DIO2: variants seen among roughly 807,000 people sequenced by gnomAD.
DIO2 encodes iodothyronine deiodinase 2.
A neutral mutation model predicts 21.4 loss-of-function variants in DIO2; 19 were observed. The ratio of observed to expected loss-of-function variants is 0.89; its 90% CI spans 0.62 to 1.30. The LOEUF is 1.30. DIO2 is among the 50% of genes most tolerant of loss of function. The probability of loss-of-function intolerance (pLI) is 0.00; values close to 1 mark genes in which losing one functional copy is unlikely to be tolerated. For synonymous variants in DIO2, 122 were observed against 132.9 expected (o/e 0.92, Z 0.57); for missense variants, 302 against 338.1 (o/e 0.89, Z 0.84).
intron 2 of DIO2, among the ~76,000 whole-genome samples, chr14:80,226,021 C>A (rs1318402698): frequency 6.6e-6 from 1 of 152,118 alleles, no homozygotes; most frequent in Non-Finnish European, 1.5e-5. Flanking sequence ...GTCACGGGAA[C>A]AGGAAGCAAA....
Position 80,205,000 on chromosome 14 carries a change from C to G in DIO2, c.223-1712G>C, listed in dbSNP as rs78666376. On this transcript the variant is annotated intron_variant, in intron 1 of 1. Transcript: ENST00000438257. ...TACATTTGTTTTTTAGTCACCACCA[C>G]AGAGAAAATTATTTTACTTATACTA... is the stretch of plus-strand genomic sequence containing the variant. Among the ~76,000 whole-genome samples the G allele has an allele frequency of 8.6e-3, 1,312 of 152,226 alleles. 17 individuals carry two copies. Among genetic ancestry groups the G allele is most frequent in the African/African-American group, 0.029 (1,192 of 41,550 alleles).
At chr14:80,227,905 C>T (rs570243526) in intron 2 of DIO2, among the ~76,000 whole-genome samples, 1 of 152,136 alleles carries the variant, frequency 6.6e-6, no homozygotes, top group East Asian at 1.9e-4. Flanking sequence ...GTAGGAGGGG[C>T]CAAATGCAGC....
At chr14:80,227,220 G>A (rs556103930) in intron 2 of DIO2, among the ~76,000 whole-genome samples, 10 of 152,248 alleles carry the variant, frequency 6.6e-5, no homozygotes, top group African/African-American at 1.9e-4. Context: ...CTCTCCCTCC[G>A]TTAACTGATC....
chr14:80,211,477 T>C lies in DIO2; in HGVS notation c.-5A>G. 1 of 1,571,574 alleles carries C rather than the reference T, an allele frequency of 6.4e-7. No individual in the cohort carries two copies. Among genetic ancestry groups the C allele is most frequent in the Non-Finnish European group, 8.7e-7 (1 of 1,155,684 alleles). Reference sequence around the variant, plus strand: ...GTCTACGCTGAGGATGCCCATCTTCTCTGCCTCCTGAGTCAGTTCCCTTGT... The same window carrying C: ...GTCTACGCTGAGGATGCCCATCTTCCCTGCCTCCTGAGTCAGTTCCCTTGT... On this transcript the variant is annotated 5_prime_UTR_variant, in exon 1 of 2. Transcript: ENST00000438257.
chr14:80,203,246 C>T lies in DIO2; in HGVS notation c.265G>A (p.Val89Ile), dbSNP rs768976300. 1 of 1,602,810 alleles carries T rather than the reference C, an allele frequency of 6.2e-7. No homozygotes were observed. Among genetic ancestry groups the T allele is most frequent in the Admixed American group, 1.7e-5 (1 of 58,570 alleles). ...EDAPNSSVVH[V>I]SSTEGGDNSG... The stretch of plus-strand genomic sequence containing the variant: ...TTGTCACCTCCTTCTGTACTGGAGA[C>T]ATGCACCACACTGGAATTGGGGGCA... Residue 89 changes from valine (V) to isoleucine (I), a missense_variant, in exon 2 of 2, where the codon GTC becomes ATC. By Grantham distance (29) the Val-to-Ile change is conservative (BLOSUM62 3). Coordinates refer to ENST00000438257, the MANE Select transcript of DIO2 (RefSeq NM_013989.5).
intron 2 of DIO2, among the ~76,000 whole-genome samples, chr14:80,217,348 C>T (rs1464840260): frequency 6.6e-6 from 1 of 152,122 alleles, no homozygotes; most frequent in Admixed American, 6.5e-5. Context: ...AATAATGGTT[C>T]AGGATAAGTT....
chr14:80,223,241 T>C (rs760965815), intron 2 of DIO2, among the ~76,000 whole-genome samples: 1 of 152,214 alleles, frequency 6.6e-6, no homozygotes, highest in Non-Finnish European at 1.5e-5. Context: ...AACCCATTAA[T>C]AATATTTTCA....
At chr14:80,216,914 T>C (rs1888374715) in intron 2 of DIO2, among the ~76,000 whole-genome samples, 1 of 152,196 alleles carries the variant, frequency 6.6e-6, no homozygotes, top group Non-Finnish European at 1.5e-5. Context: ...ACAGCAGCTT[T>C]TTTAAAAAGT....
At chr14:80,216,080 G>A (rs1423172071), upstream of DIO2, 1 of 152,278 alleles carries the variant, frequency 6.6e-6, no homozygotes, top group Non-Finnish European at 1.5e-5. Context: ...CTGGCAGACA[G>A]CACCCATCCG....
intron 2 of DIO2, among the ~76,000 whole-genome samples, chr14:80,221,428 A>AT (rs1468568001): frequency 5.3e-5 from 8 of 152,230 alleles, no homozygotes; most frequent in Non-Finnish European, 1.0e-4. Flanking sequence ...GTAGAGACAG[A>AT]TAAAAACACC....
intron 2 of DIO2, among the ~76,000 whole-genome samples, chr14:80,221,603 G>A (rs1013849385): frequency 2.0e-5 from 3 of 151,932 alleles, no homozygotes; most frequent in Admixed American, 6.6e-5. Context: ...TGTACTACAA[G>A]GTATGACAAG....
chr14:80,217,364 A>G (rs901061317), intron 2 of DIO2, among the ~76,000 whole-genome samples: 3 of 152,234 alleles, frequency 2.0e-5, no homozygotes, highest in East Asian at 3.8e-4. Flanking sequence ...AAGTTACTAC[A>G]TAACATTACA....
chr14:80,228,121 C>T (rs1427422570), intron 2 of DIO2, among the ~76,000 whole-genome samples: 1 of 152,174 alleles, frequency 6.6e-6, no homozygotes, highest in African/African-American at 2.4e-5. Flanking sequence ...GTGTAATGGA[C>T]CAGTGTGATA....
intron 2 of DIO2, among the ~76,000 whole-genome samples, chr14:80,217,655 G>C (rs191743086): frequency 1.3e-5 from 2 of 152,120 alleles, no homozygotes; most frequent in South Asian, 4.1e-4. Flanking sequence ...CAAAACAGAT[G>C]TACAAACAAA....
chr14:80,205,742 T>C (rs1887927450), intron 1 of DIO2: 1 of 1,274,126 alleles, frequency 7.8e-7, no homozygotes, highest in African/African-American at 1.6e-5. Context: ...CAGTCTAAAA[T>C]AAAAAAATTA....
intron 1 of DIO2, chr14:80,205,707 A>G: frequency 1.5e-6 from 2 of 1,324,148 alleles, no homozygotes; most frequent in South Asian, 2.4e-5. Flanking sequence ...TTGCCTTGGG[A>G]AATTTAGAGT....
chr14:80,217,195 T>C (rs1888378890), intron 2 of DIO2, among the ~76,000 whole-genome samples: 1 of 152,222 alleles, frequency 6.6e-6, no homozygotes, highest in African/African-American at 2.4e-5. Context: ...GGTAAGAGGA[T>C]AAAATACCTG....
upstream of DIO2, chr14:80,211,542 GTGGTGATAAAGGGGGT>G: frequency 3.2e-6 from 2 of 634,512 alleles, no homozygotes; most frequent in South Asian, 2.3e-5. Flanking sequence ...TAAAAGGGGG[GTGGTGATAAAGGGGGT>G]GGGGGAGGTA....
rs1398873822 is a variant in DIO2, at chr14:80,200,650, T to A, written c.*2039A>T. The A allele has an allele frequency of 6.6e-6, 1 of 152,222 alleles. No individual in the cohort carries two copies. Among genetic ancestry groups the A allele is most frequent in the Non-Finnish European group, 1.5e-5 (1 of 68,036 alleles). The allele number at this position is 152,222 out of a possible 1,614,324, so 9.4% of individuals were successfully genotyped here. On this transcript the variant is annotated 3_prime_UTR_variant, in exon 2 of 2. Coordinates refer to ENST00000438257, the MANE Select transcript of DIO2 (RefSeq NM_013989.5). ...AGGAATCTGAAATAATTATTCTCAA[T>A]ATGATTTTCCAGCAACTCATTAGAT...
Sources: gnomAD v4.1 joint callset for allele counts (sites outside exome capture counted in the v4.1 genomes callset) on GRCh38, gnomAD v4.1.1 for gene constraint, MANE v1.5 for transcripts, NCBI Gene and HGNC (gene_info 2026-07-23, HGNC 2026-07-21) for gene names.